ARHGAP5: variants seen among roughly 807,000 people sequenced by gnomAD.
The protein encoded by ARHGAP5 is rho GTPase-activating protein 5.
A neutral mutation model predicts 116.6 loss-of-function variants in ARHGAP5; 23 were observed. That is an observed-to-expected ratio of 0.20 (90% confidence interval 0.14 to 0.28). ARHGAP5 has a LOEUF of 0.28. ARHGAP5 is among the 10% of genes least tolerant of loss of function. ARHGAP5 has a pLI of 1.00. For synonymous variants in ARHGAP5, 574 were observed against 602.0 expected (o/e 0.95, Z 0.68); for missense variants, 1,405 against 1,774.8 (o/e 0.79, Z 3.74).
chr14:32,134,901 C>G (rs1329795012), intron 3 of ARHGAP5, among the ~76,000 whole-genome samples: 1 of 152,200 alleles, frequency 6.6e-6, no homozygotes, highest in Admixed American at 6.5e-5. Context: ...AAGAATGACT[C>G]CCAGATCTTT....
chr14:32,095,969 A>G (rs1032530473), intron 2 of ARHGAP5, among the ~76,000 whole-genome samples: 2 of 151,876 alleles, frequency 1.3e-5, no homozygotes, highest in Non-Finnish European at 2.9e-5. Context: ...TCACAAGCCT[A>G]ATTGCTTTGG....
rs1326336183 is a variant in ARHGAP5, at chr14:32,145,609, G to A, written c.3866-654G>A. 2.6e-5 allele frequency among the ~76,000 whole-genome samples: 4 copies of A among 152,096 alleles called. No homozygotes were observed. In the East Asian group the frequency reaches 7.7e-4, roughly 29 times the overall value. ...CCCCTCAAAAATCAGGGAACTTACT[G>A]TCATGTCGTTCTTCAAGTTTCTAAG... On this transcript the variant is annotated intron_variant, in intron 3 of 6. Coordinates refer to ENST00000345122, the MANE Select transcript of ARHGAP5 (RefSeq NM_001030055.2).
In ARHGAP5 at chr14:32,093,862, G is replaced by T. The variant is rs140666572; in HGVS notation, c.3193G>T (p.Gly1065Cys). ...AAACCTTTTAAAAACAATTGAAGCT[G>T]GTATTGGTAAAAATCCAAGAAAGCA... ...DPNLLKTIEA[G>C]IGKNPRKQTS... The change falls in exon 2 of 7, where the codon GGT becomes TGT. Residue 1065 changes from glycine to cysteine, a missense_variant. Gly to Cys is a radical substitution (Grantham distance 159, BLOSUM62 -3). Coordinates refer to ENST00000345122, the MANE Select transcript of ARHGAP5 (RefSeq NM_001030055.2). The T allele has an allele frequency of 5.5e-5, 89 of 1,613,786 alleles. No homozygotes were observed. The highest frequency in any genetic ancestry group is 7.2e-5 in the Non-Finnish European group (85 of 1,179,970).
rs1406297742 is a variant in ARHGAP5, at chr14:32,158,069, A to G, written c.*3121A>G. On this transcript the variant is annotated 3_prime_UTR_variant, in exon 7 of 7. Coordinates refer to ENST00000345122, the MANE Select transcript of ARHGAP5 (RefSeq NM_001030055.2). ...CTTCACCTACAGGATGCTGCAGTAA[A>G]TTAAATATCAGTGAAGCTTCTGATG... 1 of 151,752 alleles carries G rather than the reference A, an allele frequency of 6.6e-6. No individual in the cohort carries two copies. Among genetic ancestry groups the G allele is most frequent in the Non-Finnish European group, 1.5e-5 (1 of 67,738 alleles). The allele number at this position is 151,752 out of a possible 1,614,324, so 9.4% of individuals were successfully genotyped here.
intron 3 of ARHGAP5, among the ~76,000 whole-genome samples, chr14:32,133,507 T>C (rs1391247487): frequency 2.6e-5 from 4 of 152,212 alleles, no homozygotes; most frequent in Non-Finnish European, 4.4e-5. Flanking sequence ...TTTCTAGATA[T>C]ACAATCATGT....
chr14:32,094,442 A>T (rs573253613), intron 2 of ARHGAP5, 56 bp downstream of exon 2: 1 of 1,292,516 alleles, frequency 7.7e-7, no homozygotes. Flanking sequence ...TTACTTTTTT[A>T]AAATACTGAC....
intron 1 of ARHGAP5, among the ~76,000 whole-genome samples, chr14:32,089,817 AG>A (rs1481462813): frequency 1.3e-5 from 2 of 151,950 alleles, no homozygotes; most frequent in South Asian, 2.1e-4. Context: ...TTGGTCTTAT[AG>A]GTTTGAAATA....
At chr14:32,119,472 A>G (rs180759870) in intron 3 of ARHGAP5, among the ~76,000 whole-genome samples, 359 of 152,260 alleles carry the variant, frequency 2.4e-3, no homozygotes, top group Non-Finnish European at 4.1e-3. Flanking sequence ...AGCTTTATTG[A>G]TGTAATTTAC....
At chr14:32,136,188 T>G (rs1462160122) in intron 3 of ARHGAP5, among the ~76,000 whole-genome samples, 1 of 152,180 alleles carries the variant, frequency 6.6e-6, no homozygotes, top group African/African-American at 2.4e-5. Context: ...TCAGAGGCAT[T>G]TAGTATATTC....
In ARHGAP5 at chr14:32,092,926, G is replaced by A. The variant is rs1432414057; in HGVS notation, c.2257G>A (p.Val753Ile). 13 of 1,613,916 alleles carry A rather than the reference G, an allele frequency of 8.1e-6. No homozygotes were observed. The Admixed American group carries it at 1.3e-4, about 17-fold the overall frequency. The stretch of plus-strand genomic sequence containing the variant: ...CCAAATAAAGCAAGCTCTCAGAGGA[G>A]TATTGGAATCAGTTAAACACAATTT... ...ETQIKQALRG[V>I]LESVKHNLDV... The change falls in exon 2 of 7, where the codon GTA becomes ATA. Residue 753 changes from valine (V) to isoleucine (I), a missense_variant. Transcript: ENST00000345122. The surrounding 1 kb of genome is among the most constrained non-coding windows in gnomAD (Gnocchi z 4.1).
At chr14:32,133,422 C>T (rs1880613524) in intron 3 of ARHGAP5, among the ~76,000 whole-genome samples, 2 of 152,292 alleles carry the variant, frequency 1.3e-5, no homozygotes, top group South Asian at 4.1e-4. Flanking sequence ...GATTTTTGCA[C>T]ATTGATTTTG....
At chr14:32,124,797 A>G (rs1460772131) in intron 3 of ARHGAP5, among the ~76,000 whole-genome samples, 1 of 152,132 alleles carries the variant, frequency 6.6e-6, no homozygotes, top group African/African-American at 2.4e-5. Flanking sequence ...TTTAGATATG[A>G]TTTTGGTAAT....
Position 32,149,975 on chromosome 14 carries a change from A to G in ARHGAP5, c.4017A>G (p.Ala1339=). Residue 1339 remains alanine, a synonymous_variant, in exon 5 of 7, where the codon GCA becomes GCG. Transcript: ENST00000345122. ...CTGGAGCCCTTAAAGCTTTCTTTGC[A>G]GATCTGCCAGATCCTTTAATTCCAT... ...AVAGALKAFF[A]DLPDPLIPYS... is the part of the protein sequence containing the mutation. The G allele has an allele frequency of 1.2e-6, 2 of 1,609,264 alleles. No individual in the cohort carries two copies. The highest frequency in any genetic ancestry group is 8.5e-7 in the Non-Finnish European group (1 of 1,177,572).
At chr14:32,125,863 A>G (rs568203214) in intron 3 of ARHGAP5, among the ~76,000 whole-genome samples, 3 of 151,940 alleles carry the variant, frequency 2.0e-5, no homozygotes, top group Non-Finnish European at 4.4e-5. Flanking sequence ...ATTCCTAGGT[A>G]TTTTATTGGA....
At chr14:32,144,884 AC>A (rs1297969820) in intron 3 of ARHGAP5, among the ~76,000 whole-genome samples, 1 of 152,194 alleles carries the variant, frequency 6.6e-6, no homozygotes, top group East Asian at 1.9e-4. Flanking sequence ...TTGTATAATA[AC>A]TGCTTTAAAG....
Position 32,146,153 on chromosome 14 carries a change from C to T in ARHGAP5, c.3866-110C>T, listed in dbSNP as rs555045743. On this transcript the variant is annotated intron_variant, in intron 3 of 6. Transcript: ENST00000345122. ...GCTCAAACTCCTGGGCCAAGCAGTT[C>T]TCCCACCTTGGCCTCCCAGAGTGCT... 1.7e-3 allele frequency: 1,226 copies of T among 715,870 alleles called. 4 individuals carry two copies. The highest frequency in any genetic ancestry group is 2.6e-3 in the Non-Finnish European group (1,113 of 428,074). The allele number at this position is 715,870 out of a possible 1,614,324, so 44.3% of individuals were successfully genotyped here.
In ARHGAP5 at chr14:32,155,448, C is replaced by A. The variant is rs1881851340; in HGVS notation, c.*500C>A. 6.5e-6 allele frequency: 1 copy of A among 153,062 alleles called. No homozygotes were observed. Among genetic ancestry groups the A allele is most frequent in the Admixed American group, 6.5e-5 (1 of 15,330 alleles). 9.5% of individuals were successfully genotyped at this position (153,062 alleles called of 1,614,324 possible). ...TTTTATAATTTCAGGCTACTGAGGC[C>A]ATGCTTGGGATGTTGTTTGAAAGAA... On this transcript the variant is annotated 3_prime_UTR_variant, in exon 7 of 7. Transcript: ENST00000345122.
At chr14:32,149,825 T>C in intron 4 of ARHGAP5, 77 bp from the exon 5 acceptor site, 1 of 842,314 alleles carries the variant, frequency 1.2e-6, no homozygotes, top group Non-Finnish European at 1.7e-6. Context: ...TATCTTTTGA[T>C]CTAAAAGTAA....
intron 2 of ARHGAP5, among the ~76,000 whole-genome samples, chr14:32,115,160 C>T (rs1448120878): frequency 6.6e-6 from 1 of 152,168 alleles, no homozygotes; most frequent in Non-Finnish European, 1.5e-5. Flanking sequence ...CGTTGCTATA[C>T]CCTGCTCTAG....
Sources: gnomAD v4.1 joint callset for allele counts (sites outside exome capture counted in the v4.1 genomes callset) on GRCh38, gnomAD v4.1.1 for gene constraint, Gnocchi (gnomAD v3.1) non-coding constraint, MANE v1.5 for transcripts, NCBI Gene and HGNC (gene_info 2026-07-23, HGNC 2026-07-21) for gene names.